The following SMAP1 variants were observed in gnomAD, a reference collection of about 807,000 sequenced individuals.
SMAP1 encodes stromal membrane-associated protein 1.
In SMAP1, 24 loss-of-function variants were observed where a neutral mutation model predicts 58.5. That is an observed-to-expected ratio of 0.41 (90% CI 0.30 to 0.58). The LOEUF is 0.58. SMAP1 is among the 20% of genes least tolerant of loss of function. The probability of loss-of-function intolerance (pLI) is 0.29; values close to 1 mark genes in which losing one functional copy is unlikely to be tolerated. For missense variants in SMAP1, 563 were observed against 566.3 expected, an observed-to-expected ratio of 0.99 and a Z score of 0.06; for synonymous variants, 216 against 196.6, an observed-to-expected ratio of 1.10 and a Z score of -0.82.
intron 6 of SMAP1, among the ~76,000 whole-genome samples, chr6:70,829,257 T>C (rs944036483): frequency 2.6e-5 from 4 of 152,106 alleles, no homozygotes; most frequent in Admixed American, 1.3e-4. Context: ...GTTTTTTTCT[T>C]TGTCTTCTTT....
chr6:70,692,974 A>G (rs577065782), intron 1 of SMAP1, among the ~76,000 whole-genome samples: 24 of 152,066 alleles, frequency 1.6e-4, no homozygotes, highest in African/African-American at 5.1e-4. Flanking sequence ...TAGTAGAGAC[A>G]GGGTTTCACC....
intron 6 of SMAP1, among the ~76,000 whole-genome samples, chr6:70,807,552 A>G (rs750728686): frequency 3.9e-5 from 6 of 152,240 alleles, no homozygotes; most frequent in Non-Finnish European, 8.8e-5. Context: ...ATGTTTCTGT[A>G]GATGAGGAGT....
In SMAP1 at chr6:70,835,177, G is replaced by A. The variant is rs191453146; in HGVS notation, c.577-1764G>A. Among the ~76,000 whole-genome samples the A allele has an allele frequency of 9.9e-3, 1,475 of 148,852 alleles. 15 individuals are homozygous for A. The highest frequency in any genetic ancestry group is 0.034 in the African/African-American group (1,365 of 40,442). ...TGAGGCAGGAGAATGGCTTGAACCC[G>A]AGAGGCGGAGCTTGCAGTGAGCCAA... is the stretch of plus-strand genomic sequence containing the variant. On this transcript the variant is annotated intron_variant, in intron 6 of 10. Coordinates refer to ENST00000370455, the MANE Select transcript of SMAP1 (RefSeq NM_001044305.3).
At position 70,716,833 on chromosome 6, in the gene SMAP1, T is replaced by A. The variant is rs531312620; in HGVS notation, c.119-15545T>A. Among the ~76,000 whole-genome samples the A allele has an allele frequency of 2.5e-4, 38 of 152,256 alleles. 1 individual carries two copies. In the East Asian group the frequency reaches 7.3e-3, roughly 29 times the overall value. The stretch of plus-strand genomic sequence containing the variant: ...TTTTAAAATTCCTTGTTGGGTAAAT[T>A]GCATATCATCATTTCCTTAGGGTCA... On this transcript the variant is annotated intron_variant, in intron 1 of 10. Coordinates refer to ENST00000370455, the MANE Select transcript of SMAP1 (RefSeq NM_001044305.3).
intron 6 of SMAP1, among the ~76,000 whole-genome samples, chr6:70,811,906 A>G (rs936985210): frequency 6.6e-6 from 1 of 152,154 alleles, no homozygotes; most frequent in African/African-American, 2.4e-5. Flanking sequence ...CAAATCTTGT[A>G]TATACTATGA....
chr6:70,792,856 A>C (rs912919205), intron 5 of SMAP1, among the ~76,000 whole-genome samples: 5 of 152,038 alleles, frequency 3.3e-5, no homozygotes, highest in Admixed American at 1.3e-4. Context: ...TGGGTGTGAC[A>C]GAATCAGATT....
chr6:70,818,547 G>C (rs1041006366), intron 6 of SMAP1, among the ~76,000 whole-genome samples: 2 of 152,182 alleles, frequency 1.3e-5, no homozygotes, highest in Non-Finnish European at 2.9e-5. Context: ...TTTTGGCCTT[G>C]AGGCAGGATG....
intron 4 of SMAP1, among the ~76,000 whole-genome samples, chr6:70,784,456 T>A (rs1237007422): frequency 6.6e-6 from 1 of 152,098 alleles, no homozygotes; most frequent in Non-Finnish European, 1.5e-5. Flanking sequence ...ATAACAATAT[T>A]AACTTTAAAT....
At chr6:70,765,083 G>C (rs1766911144) in intron 3 of SMAP1, among the ~76,000 whole-genome samples, 1 of 152,220 alleles carries the variant, frequency 6.6e-6, no homozygotes, top group African/African-American at 2.4e-5. Flanking sequence ...TTACAGGCAA[G>C]AGCCATTTTG....
intron 4 of SMAP1, among the ~76,000 whole-genome samples, chr6:70,779,672 G>T (rs1767682199): frequency 6.6e-6 from 1 of 152,084 alleles, no homozygotes; most frequent in African/African-American, 2.4e-5. Flanking sequence ...CTGCCTCTGA[G>T]CTTCCTTGTC....
chr6:70,714,700 G>C (rs998101011), intron 1 of SMAP1, among the ~76,000 whole-genome samples: 4 of 150,796 alleles, frequency 2.7e-5, no homozygotes, highest in Admixed American at 2.6e-4. Flanking sequence ...TACTTTTTTT[G>C]GTATAAAAAA....
intron 6 of SMAP1, among the ~76,000 whole-genome samples, chr6:70,835,979 TTAA>T (rs1322991434): frequency 2.0e-5 from 3 of 152,144 alleles, no homozygotes; most frequent in Non-Finnish European, 4.4e-5. Context: ...TAAAAAGTAA[TTAA>T]TAATGTAGAT....
At chr6:70,739,209 T>G (rs1472062019) in intron 2 of SMAP1, among the ~76,000 whole-genome samples, 2 of 152,152 alleles carry the variant, frequency 1.3e-5, no homozygotes, top group African/African-American at 4.8e-5. Flanking sequence ...GTAATTAGAT[T>G]ATCAGTTTAT....
At chr6:70,838,459 T>TA (rs1444347709) in intron 7 of SMAP1, among the ~76,000 whole-genome samples, 1 of 152,212 alleles carries the variant, frequency 6.6e-6, no homozygotes, top group Non-Finnish European at 1.5e-5. Flanking sequence ...TATTGTAGGT[T>TA]ATATGTGGTA....
intron 3 of SMAP1, among the ~76,000 whole-genome samples, chr6:70,768,071 T>C: frequency 6.6e-6 from 1 of 152,202 alleles, no homozygotes; most frequent in Non-Finnish European, 1.5e-5. Context: ...TTGTGTATAT[T>C]GAACCAGCCT....
chr6:70,811,467 T>C (rs1392719252), intron 6 of SMAP1, among the ~76,000 whole-genome samples: 1 of 152,122 alleles, frequency 6.6e-6, no homozygotes, highest in Non-Finnish European at 1.5e-5. Context: ...AACCTGCCTG[T>C]TACGCGATCC....
At chr6:70,693,773 A>C (rs577356051) in intron 1 of SMAP1, 11 of 152,396 alleles carry the variant, frequency 7.2e-5, no homozygotes, top group Admixed American at 7.2e-4. Context: ...AAAATGAAAA[A>C]CTGTGAGACC....
At chr6:70,845,954 CATAGGCAG>C (rs749969056) in intron 7 of SMAP1, among the ~76,000 whole-genome samples, 13 of 152,162 alleles carry the variant, frequency 8.5e-5, no homozygotes, top group Non-Finnish European at 1.5e-4. Flanking sequence ...GTTGTAATCT[CATAGGCAG>C]ATAGTTGTGT....
chr6:70,832,885 A>G (rs1045943470), intron 6 of SMAP1, among the ~76,000 whole-genome samples: 1 of 152,178 alleles, frequency 6.6e-6, no homozygotes, highest in African/African-American at 2.4e-5. Flanking sequence ...CATTTCCAAC[A>G]TGTGAATTTT....
Sources: gnomAD v4.1 joint callset for allele counts (sites outside exome capture counted in the v4.1 genomes callset) on GRCh38, gnomAD v4.1.1 for gene constraint, MANE v1.5 for transcripts, NCBI Gene and HGNC (gene_info 2026-07-23, HGNC 2026-07-21) for gene names.